HSD17B12: variants seen among roughly 807,000 people sequenced by gnomAD.
HSD17B12 encodes the protein very-long-chain 3-oxoacyl-CoA reductase.
Under a neutral mutation model 39.3 loss-of-function variants are expected in HSD17B12, and 32 were observed. The observed-to-expected ratio is 0.81, with a 90% confidence interval of 0.61 to 1.09. HSD17B12 has a LOEUF of 1.09. Among genes scored for constraint, HSD17B12 ranks in the 50% least tolerant of loss-of-function variants. The pLI, the probability that HSD17B12 is intolerant of heterozygous loss-of-function variation, is 0.00. For missense variants in HSD17B12, 342 were observed against 382.9 expected (o/e 0.89, Z 0.89); for synonymous variants, 150 against 146.7 (o/e 1.02, Z -0.16).
intron 1 of HSD17B12, among the ~76,000 whole-genome samples, chr11:43,689,247 A>G (rs1224229387): frequency 6.6e-6 from 1 of 152,246 alleles, no homozygotes; most frequent in Non-Finnish European, 1.5e-5. Flanking sequence ...CACCACATGC[A>G]GCCTTTTAGG....
At chr11:43,741,544 TC>T (rs1229919318) in intron 1 of HSD17B12, among the ~76,000 whole-genome samples, 1 of 152,032 alleles carries the variant, frequency 6.6e-6, no homozygotes, top group Admixed American at 6.6e-5. Context: ...CTTTCCCTAA[TC>T]CCCCAGAAGC....
At chr11:43,599,308 T>C in the HSD17B12 span, among the ~76,000 whole-genome samples, 1 of 152,194 alleles carries the variant, frequency 6.6e-6, no homozygotes, top group African/African-American at 2.4e-5. Context: ...CAGATCACCA[T>C]AGCCTATGCG....
chr11:43,745,769 T>C (rs1950406614), intron 1 of HSD17B12, among the ~76,000 whole-genome samples: 1 of 152,138 alleles, frequency 6.6e-6, no homozygotes, highest in African/African-American at 2.4e-5. Flanking sequence ...TGGTGTCTTA[T>C]GCCTGTAATC....
chr11:43,689,971 G>A (rs1949837530), intron 1 of HSD17B12, among the ~76,000 whole-genome samples: 1 of 152,030 alleles, frequency 6.6e-6, no homozygotes, highest in African/African-American at 2.4e-5. Flanking sequence ...TGGCATTGTT[G>A]CTTTGGGGCC....
the HSD17B12 span, among the ~76,000 whole-genome samples, chr11:43,635,859 T>C: frequency 6.6e-6 from 1 of 152,222 alleles, no homozygotes; most frequent in Non-Finnish European, 1.5e-5. Flanking sequence ...AATGCAATGC[T>C]TTTTGGATAT....
upstream of HSD17B12, among the ~76,000 whole-genome samples, chr11:43,677,141 G>T (rs1949699936): frequency 6.6e-6 from 1 of 152,140 alleles, no homozygotes; most frequent in Non-Finnish European, 1.5e-5. Flanking sequence ...CAGCCTTAGG[G>T]TTAGACCTAA....
At chr11:43,578,130 C>A in the HSD17B12 span, among the ~76,000 whole-genome samples, 1 of 152,186 alleles carries the variant, frequency 6.6e-6, no homozygotes, top group East Asian at 1.9e-4. Flanking sequence ...GGGCTGTAGA[C>A]TGTGGGAGAA....
At chr11:43,839,386 A>G (rs762354085) in intron 8 of HSD17B12, among the ~76,000 whole-genome samples, 2 of 152,104 alleles carry the variant, frequency 1.3e-5, no homozygotes, top group Admixed American at 6.6e-5. Context: ...CTACAAAACT[A>G]TGACTAATTA....
rs1950028558 is a variant in HSD17B12, at chr11:43,707,700, T to C, written c.160+26713T>C. 2.6e-5 allele frequency among the ~76,000 whole-genome samples: 4 copies of C among 152,238 alleles called. No individual in the cohort carries two copies. The South Asian group carries it at 8.3e-4, about 31-fold the overall frequency. The stretch of plus-strand genomic sequence containing the variant: ...TGAATCACTTCTAAAATAACATGCA[T>C]AATTTGTTTAAATATACATGATGTT... On this transcript the variant is annotated intron_variant, in intron 1 of 10. Transcript: ENST00000278353.
At chr11:43,631,499 C>T in the HSD17B12 span, among the ~76,000 whole-genome samples, 1 of 152,056 alleles carries the variant, frequency 6.6e-6, no homozygotes, top group African/African-American at 2.4e-5. Flanking sequence ...TAGGTTCCTA[C>T]ATGAGGCGGC....
At chr11:43,657,092 G>T in the HSD17B12 span, among the ~76,000 whole-genome samples, 2 of 152,100 alleles carry the variant, frequency 1.3e-5, no homozygotes, top group Non-Finnish European at 2.9e-5. Context: ...CTCCTGTATT[G>T]GGTGCATATA....
chr11:43,674,780 T>C, the HSD17B12 span, among the ~76,000 whole-genome samples: 1 of 152,206 alleles, frequency 6.6e-6, no homozygotes, highest in Non-Finnish European at 1.5e-5. Flanking sequence ...GTTGATTGCT[T>C]TCTCCTCTAC....
chr11:43,788,006 T>TA (rs1252520653), intron 3 of HSD17B12, among the ~76,000 whole-genome samples: 3 of 152,278 alleles, frequency 2.0e-5, no homozygotes, highest in East Asian at 3.9e-4. Flanking sequence ...ATTACTTTTT[T>TA]AAAAAAATTA....
intron 3 of HSD17B12, among the ~76,000 whole-genome samples, chr11:43,787,414 C>A (rs1233972558): frequency 6.6e-6 from 1 of 152,036 alleles, no homozygotes; most frequent in Non-Finnish European, 1.5e-5. Context: ...TATTGTTGAA[C>A]TATCTTGATC....
chr11:43,557,698 C>G, the HSD17B12 span, among the ~76,000 whole-genome samples: 1 of 152,072 alleles, frequency 6.6e-6, no homozygotes, highest in Non-Finnish European at 1.5e-5. Context: ...TGAAAAGGCT[C>G]CTGACAAAGT....
At chr11:43,683,217 A>G (rs1455177035) in intron 1 of HSD17B12, among the ~76,000 whole-genome samples, 4 of 151,934 alleles carry the variant, frequency 2.6e-5, no homozygotes, top group African/African-American at 9.7e-5. Flanking sequence ...TAACACCATA[A>G]GTAACATTTG....
intron 3 of HSD17B12, among the ~76,000 whole-genome samples, chr11:43,765,063 T>C (rs1453505242): frequency 1.3e-5 from 2 of 152,100 alleles, no homozygotes; most frequent in Non-Finnish European, 2.9e-5. Flanking sequence ...TGACTGTATA[T>C]CTTTTTTTCT....
At chr11:43,767,616 C>T (rs1165427127) in intron 3 of HSD17B12, among the ~76,000 whole-genome samples, 2 of 152,050 alleles carry the variant, frequency 1.3e-5, no homozygotes, top group African/African-American at 4.8e-5. Flanking sequence ...TAACTACAAA[C>T]CAATTAGGTA....
intron 1 of HSD17B12, among the ~76,000 whole-genome samples, chr11:43,732,381 C>T (rs1233715651): frequency 6.6e-6 from 1 of 152,042 alleles, no homozygotes. Context: ...GGTCTCTTAT[C>T]AGGAAGAAAT....
Sources: gnomAD v4.1 joint callset for allele counts (sites outside exome capture counted in the v4.1 genomes callset) on GRCh38, gnomAD v4.1.1 for gene constraint, MANE v1.5 for transcripts, NCBI Gene and HGNC (gene_info 2026-07-23, HGNC 2026-07-21) for gene names.